Variants in RAB28 observed in about 807,000 individuals in gnomAD.
The protein encoded by RAB28 is RAB28, member RAS oncogene family, also known as ras-related protein Rab-28.
RAB28 carries 24 observed loss-of-function variants against 31.7 expected under a neutral mutation model. That is an observed-to-expected ratio of 0.76 (90% CI 0.55 to 1.06). The LOEUF (loss-of-function observed/expected upper bound fraction) is 1.06. Among genes scored for constraint, RAB28 ranks in the 50% least tolerant of loss-of-function variants. The pLI is 0.00. For synonymous variants in RAB28, 100 were observed against 90.4 expected (o/e 1.11, Z -0.60); for missense variants, 254 against 258.5 (o/e 0.98, Z 0.12).
At chr4:13,409,032 C>T (rs998673101) in intron 4 of RAB28, among the ~76,000 whole-genome samples, 1 of 152,020 alleles carries the variant, frequency 6.6e-6, no homozygotes, top group African/African-American at 2.4e-5. Flanking sequence ...TATTTTGGGA[C>T]CTCTCTATTT....
intron 4 of RAB28, among the ~76,000 whole-genome samples, chr4:13,418,651 T>C (rs1420926432): frequency 6.6e-6 from 1 of 152,160 alleles, no homozygotes; most frequent in African/African-American, 2.4e-5. Context: ...CCAGCCAAAC[T>C]AAGCTTCATA....
intron 2 of RAB28, among the ~76,000 whole-genome samples, chr4:13,474,920 A>T (rs1716281871): frequency 6.6e-6 from 1 of 151,580 alleles, no homozygotes; most frequent in Non-Finnish European, 1.5e-5. Context: ...TTATAATGTG[A>T]TTGTCAGCTA....
At chr4:13,435,029 A>AG (rs200464085) in intron 4 of RAB28, among the ~76,000 whole-genome samples, 2,027 of 150,696 alleles carry the variant, frequency 0.013, 22 homozygotes, top group Middle Eastern at 0.038. Context: ...AAAAAAAAAA[A>AG]AAAAAAGAAA....
intron 3 of RAB28, among the ~76,000 whole-genome samples, chr4:13,468,783 T>A (rs1715986195): frequency 6.6e-6 from 1 of 150,614 alleles, no homozygotes; most frequent in African/African-American, 2.4e-5. Context: ...GCTGTTTTTT[T>A]TTTAAAAAAA....
chr4:13,435,232 C>T (rs1361160135), intron 4 of RAB28, among the ~76,000 whole-genome samples: 3 of 151,296 alleles, frequency 2.0e-5, no homozygotes, highest in Non-Finnish European at 1.5e-5. Flanking sequence ...AAAAGTAGTG[C>T]AAAGAGTATA....
chr4:13,465,703 T>C (rs1715806950), intron 3 of RAB28, among the ~76,000 whole-genome samples: 1 of 149,822 alleles, frequency 6.7e-6, no homozygotes, highest in Non-Finnish European at 1.5e-5. Context: ...AAACTCTACA[T>C]AGGAAAAAAA....
intron 4 of RAB28, among the ~76,000 whole-genome samples, chr4:13,412,627 G>A (rs1712506468): frequency 6.6e-6 from 1 of 151,808 alleles, no homozygotes; most frequent in Admixed American, 6.6e-5. Flanking sequence ...ACTAAAAAGT[G>A]AAGAATAATA....
intron 3 of RAB28, among the ~76,000 whole-genome samples, chr4:13,462,780 G>A (rs748003670): frequency 1.7e-4 from 26 of 152,230 alleles, no homozygotes; most frequent in Middle Eastern, 3.4e-3. Flanking sequence ...CTTCCAAGAC[G>A]CTTTGAAATA....
At chr4:13,391,813 C>T (rs1254780021) in intron 4 of RAB28, among the ~76,000 whole-genome samples, 1 of 151,934 alleles carries the variant, frequency 6.6e-6, no homozygotes, top group East Asian at 1.9e-4. Flanking sequence ...GGACAGAAAA[C>T]TGAACACCGC....
chr4:13,434,880 A>G (rs1014209594), intron 4 of RAB28, among the ~76,000 whole-genome samples: 2 of 151,790 alleles, frequency 1.3e-5, no homozygotes, highest in African/African-American at 2.4e-5. Context: ...TTAGCCAGGC[A>G]TGGTGGCAGG....
intron 4 of RAB28, among the ~76,000 whole-genome samples, chr4:13,396,646 C>T (rs990212564): frequency 1.3e-5 from 2 of 151,988 alleles, no homozygotes; most frequent in Non-Finnish European, 2.9e-5. Context: ...AGAGAAAGTA[C>T]TTTTGTTTCT....
intron 6 of RAB28, chr4:13,371,609 T>C: frequency 1.0e-6 from 1 of 985,322 alleles, no homozygotes; most frequent in Non-Finnish European, 1.2e-6. Flanking sequence ...ACATAAAGCT[T>C]TGTAAAATGT....
intron 4 of RAB28, among the ~76,000 whole-genome samples, chr4:13,384,508 C>T (rs138704089): frequency 0.012 from 1,758 of 152,326 alleles, 13 homozygotes; most frequent in Non-Finnish European, 0.017. Context: ...GTCCCACCAG[C>T]ACAGTGGGTT....
intron 4 of RAB28, among the ~76,000 whole-genome samples, chr4:13,411,510 G>C (rs1712439225): frequency 1.3e-5 from 2 of 152,288 alleles, no homozygotes; most frequent in South Asian, 2.1e-4. Flanking sequence ...ATATGAAGTA[G>C]AAGGTAAAAA....
intron 2 of RAB28, 56 bp from the exon 3 acceptor site, chr4:13,474,462 T>C: frequency 9.6e-7 from 1 of 1,046,866 alleles, no homozygotes; most frequent in Non-Finnish European, 1.4e-6. Context: ...TAAGTAACAA[T>C]ACAACAAGTG....
chr4:13,420,017 A>C (rs978457411), intron 4 of RAB28, among the ~76,000 whole-genome samples: 1 of 152,202 alleles, frequency 6.6e-6, no homozygotes, highest in African/African-American at 2.4e-5. Context: ...TAGCAAGACT[A>C]ATAAAGAAAA....
chr4:13,474,216 G>T, intron 3 of RAB28, 102 bp downstream of exon 3: 1 of 840,940 alleles, frequency 1.2e-6, no homozygotes, highest in Non-Finnish European at 2.1e-6. Context: ...CAGATAAAAA[G>T]TTAGAAAGAA....
chr4:13,419,047 T>C (rs1006612115), intron 4 of RAB28, among the ~76,000 whole-genome samples: 1 of 151,776 alleles, frequency 6.6e-6, no homozygotes, highest in Non-Finnish European at 1.5e-5. Flanking sequence ...AATAAAGGGA[T>C]AGAGGAAGAT....
intron 4 of RAB28, among the ~76,000 whole-genome samples, chr4:13,395,887 A>C (rs185933536): frequency 3.1e-4 from 47 of 152,170 alleles, no homozygotes; most frequent in African/African-American, 1.1e-3. Context: ...TTATTTTCCA[A>C]CATGCTGTAA....
Sources: gnomAD v4.1 joint callset for allele counts (sites outside exome capture counted in the v4.1 genomes callset) on GRCh38, gnomAD v4.1.1 for gene constraint, MANE v1.5 for transcripts, NCBI Gene and HGNC (gene_info 2026-07-23, HGNC 2026-07-21) for gene names.